Variants in MUC5B observed in about 807,000 individuals in gnomAD.
MUC5B encodes mucin-5B.
Under a neutral mutation model 376.9 loss-of-function variants are expected in MUC5B, and 116 were observed. The observed-to-expected ratio is 0.31, with a 90% CI of 0.26 to 0.36. The LOEUF (loss-of-function observed/expected upper bound fraction) is 0.36. Among genes scored for constraint, MUC5B ranks in the 10% least tolerant of loss-of-function variants. The probability of loss-of-function intolerance (pLI) is 1.00; values close to 1 mark genes in which losing one functional copy is unlikely to be tolerated. For synonymous variants in MUC5B, 3,517 were observed against 3,390.9 expected (o/e 1.04, Z -1.29); for missense variants, 7,165 against 7,769.9 (o/e 0.92, Z 2.93).
Position 1,252,477 on chromosome 11 carries a change from T to C in MUC5B, c.14998T>C (p.Ser5000Pro). Residue 5000 changes from serine to proline, a missense_variant, in exon 32 of 49, where the codon TCG (serine) becomes CCG (proline). Physicochemically the swap from Ser to Pro is moderately conservative, Grantham distance 74. Coordinates refer to ENST00000529681, the MANE Select transcript of MUC5B (RefSeq NM_002458.3). ...GCCAGTGTCCTCCGCCCCGCTGTCC[T>C]CGCCCTCCCCTGCCCCTGGCTGTGA... is the stretch of plus-strand genomic sequence containing the variant. ...PPPVSSAPLS[S>P]PSPAPGCDNA... is the part of the protein sequence containing the mutation. The C allele has an allele frequency of 6.3e-7, 1 of 1,591,456 alleles. No individual in the cohort carries two copies. Among genetic ancestry groups the C allele is most frequent in the South Asian group, 1.1e-5 (1 of 87,458 alleles).
At chr11:1,240,005 T>C (rs768404072) in intron 28 of MUC5B, 40 bp from the exon 29 acceptor site, 22 of 1,599,988 alleles carry the variant, frequency 1.4e-5, no homozygotes, top group Admixed American at 5.1e-5. Flanking sequence ...CCCTGCAGGC[T>C]GCCCCCCAGG....
chr11:1,250,168 A>G lies in MUC5B; in HGVS notation c.13288A>G (p.Thr4430Ala). ...ILTELTTTAT[T>A]TASTGSTATP... ...CACAGAGCTGACCACAACAGCCACTACGACTGCGTCCACTGGATCCACGGC... is the reference window on the plus strand; with the variant it reads ...CACAGAGCTGACCACAACAGCCACTGCGACTGCGTCCACTGGATCCACGGC... Residue 4430 changes from threonine (T) to alanine (A), a missense_variant, in exon 31 of 49, where the codon ACG (threonine) becomes GCG (alanine). By Grantham distance (58) the Thr-to-Ala change is moderately conservative (BLOSUM62 0). Around this residue, in one of 31 missense-constraint regions of MUC5B, gnomAD observed 431 missense variants for 390.4 expected, o/e 1.10. Coordinates refer to ENST00000529681, the MANE Select transcript of MUC5B (RefSeq NM_002458.3). 1 of 1,587,842 alleles carries G rather than the reference A, an allele frequency of 6.3e-7. No homozygotes were observed. Among genetic ancestry groups the G allele is most frequent in the Non-Finnish European group, 8.6e-7 (1 of 1,159,828 alleles).
Position 1,239,896 on chromosome 11 carries a change from C to T in MUC5B, c.3681C>T (p.Tyr1227=). The T allele has an allele frequency of 6.2e-7, 1 of 1,613,404 alleles. No individual in the cohort carries two copies. The highest frequency in any genetic ancestry group is 1.1e-5 in the South Asian group (1 of 90,980). Residue 1227 remains tyrosine (Y), a synonymous_variant, in exon 28 of 49, where the codon TAC becomes TAT. Coordinates refer to ENST00000529681, the MANE Select transcript of MUC5B (RefSeq NM_002458.3). ...QCGCYDKDGN[Y]YDVGARVPTA... is the part of the protein sequence containing the mutation. ...GCTGCTACGACAAGGACGGAAACTA[C>T]TATGACGTCGGTGCAAGGGTCCCCA...
In MUC5B at chr11:1,251,440, A is replaced by G. The variant is rs372504985; in HGVS notation, c.14560A>G (p.Ile4854Val). Residue 4854 changes from isoleucine to valine, a missense_variant, in exon 31 of 49, where the codon ATA becomes GTA. Around this residue, in one of 31 missense-constraint regions of MUC5B, gnomAD observed 730 missense variants for 592.7 expected, o/e 1.23. Coordinates refer to ENST00000529681, the MANE Select transcript of MUC5B (RefSeq NM_002458.3). ...CTGGATCCTCACAGAGCCGAGCACT[A>G]TAGCCACCGTGATGGTGCCCACCGG... ...TTWILTEPST[I>V]ATVMVPTGST... 1.2e-6 allele frequency: 2 copies of G among 1,612,548 alleles called. No individual in the cohort carries two copies. Among genetic ancestry groups the G allele is most frequent in the East Asian group, 4.5e-5 (2 of 44,858 alleles).
intron 2 of MUC5B, 108 bp from the exon 3 acceptor site, chr11:1,226,097 G>C: frequency 8.9e-7 from 1 of 1,118,206 alleles, no homozygotes; most frequent in Non-Finnish European, 1.3e-6. Flanking sequence ...CATCAGTTTT[G>C]GGCTCCCCTT....
chr11:1,241,238 C>A lies in MUC5B; in HGVS notation c.4358C>A (p.Ala1453Asp). Residue 1453 changes from alanine (A) to aspartate (D), a missense_variant, in exon 31 of 49, where the codon GCT (alanine) becomes GAT (aspartate). Around this residue, in one of 31 missense-constraint regions of MUC5B, gnomAD observed 517 missense variants for 545.3 expected, o/e 0.95. Transcript: ENST00000529681. ...QPSLSASTEP[A>D]VPTPTQTTAT... The stretch of plus-strand genomic sequence containing the variant: ...TCCCTCAGTGCCAGCACGGAGCCTG[C>A]TGTGCCTACCCCAACCCAGACCACA... 1 of 1,592,004 alleles carries A rather than the reference C, an allele frequency of 6.3e-7. No individual in the cohort carries two copies. The highest frequency in any genetic ancestry group is 8.6e-7 in the Non-Finnish European group (1 of 1,169,482).
chr11:1,231,091 C>T, intron 13 of MUC5B, 86 bp downstream of exon 13: 1 of 1,340,886 alleles, frequency 7.5e-7, no homozygotes, highest in Non-Finnish European at 1.0e-6. Flanking sequence ...CCGCTCCATC[C>T]CTGCTAGTTC....
At chr11:1,229,081 A>G in intron 8 of MUC5B, 89 bp from the exon 9 acceptor site, 1 of 1,392,706 alleles carries the variant, frequency 7.2e-7, no homozygotes, top group Non-Finnish European at 9.5e-7. Flanking sequence ...ACTTGATGGC[A>G]TGTGGAAGGC....
At position 1,231,502 on chromosome 11, in the gene MUC5B, G is replaced by A. The variant is rs1862028331; in HGVS notation, c.1620G>A (p.Leu540=). The A allele has an allele frequency of 6.2e-7, 1 of 1,607,112 alleles. No individual in the cohort carries two copies. The highest frequency in any genetic ancestry group is 8.5e-7 in the Non-Finnish European group (1 of 1,177,618). Residue 540 remains leucine, a synonymous_variant, in exon 14 of 49, where the codon CTG becomes CTA. Transcript: ENST00000529681. ...TGGGGCTGCAGCTGCTGGTGCAGCT[G>A]GTGCCACTCATGCAGGTGTTTGTCA... ...TGLGLQLLVQ[L]VPLMQVFVRL...
chr11:1,242,904 C>G lies in MUC5B; in HGVS notation c.6024C>G (p.Ala2008=). The G allele has an allele frequency of 6.2e-7, 1 of 1,613,790 alleles. No homozygotes were observed. Among genetic ancestry groups the G allele is most frequent in the Non-Finnish European group, 8.5e-7 (1 of 1,179,768 alleles). Residue 2008 remains alanine (A), a synonymous_variant, in exon 31 of 49, where the codon GCC becomes GCG. Transcript: ENST00000529681. ...TTTPTATMST[A]TPSSTPETAH... is the part of the protein sequence containing the mutation. Reference sequence around the variant, plus strand: ...CACCCACGGCCACCATGTCCACAGCCACACCCTCCTCCACTCCAGAGACTG... The same window carrying G: ...CACCCACGGCCACCATGTCCACAGCGACACCCTCCTCCACTCCAGAGACTG...
In MUC5B at chr11:1,249,704, C is replaced by A; in HGVS notation, c.12824C>A (p.Thr4275Lys). ...GCCACCCCGTCCTCCACCCCGGGAA[C>A]AGCTCCCCCTCCCAAAGTGCTGACC... The part of the protein sequence containing the change: ...STATPSSTPG[T>K]APPPKVLTSP... Residue 4275 changes from threonine to lysine, a missense_variant, in exon 31 of 49, where the codon ACA (threonine) becomes AAA (lysine). Thr to Lys is a moderately conservative substitution (Grantham distance 78). Around this residue, in one of 31 missense-constraint regions of MUC5B, gnomAD observed 431 missense variants for 390.4 expected, o/e 1.10. Coordinates refer to ENST00000529681, the MANE Select transcript of MUC5B (RefSeq NM_002458.3). The A allele has an allele frequency of 1.2e-6, 2 of 1,610,228 alleles. No homozygotes were observed. Among genetic ancestry groups the A allele is most frequent in the South Asian group, 1.1e-5 (1 of 90,986 alleles).
At position 1,235,345 on chromosome 11, in the gene MUC5B, G is replaced by C; in HGVS notation, c.2812G>C (p.Val938Leu). 2 of 1,612,754 alleles carry C rather than the reference G, an allele frequency of 1.2e-6. No individual in the cohort carries two copies. Among genetic ancestry groups the C allele is most frequent in the Non-Finnish European group, 1.7e-6 (2 of 1,179,762 alleles). Residue 938 changes from valine to leucine, a missense_variant, in exon 23 of 49, where the codon GTC (valine) becomes CTC (leucine). By Grantham distance (32) the Val-to-Leu change is conservative. Coordinates refer to ENST00000529681, the MANE Select transcript of MUC5B (RefSeq NM_002458.3). The stretch of plus-strand genomic sequence containing the variant: ...CACCACCCACGGGACCTTCCGCATC[G>C]TCACCGAGAACATCCCCTGTGGGAC... ...DNTTHGTFRI[V>L]TENIPCGTTG...
At position 1,245,460 on chromosome 11, in the gene MUC5B, G is replaced by A. The variant is rs373954800; in HGVS notation, c.8580G>A (p.Ser2860=). 25 of 1,362,658 alleles carry A rather than the reference G, an allele frequency of 1.8e-5. 1 individual carries two copies. The highest frequency in any genetic ancestry group is 2.4e-5 in the Non-Finnish European group (24 of 995,698). The allele number at this position is 1,362,658 out of a possible 1,614,324, so 84.4% of individuals were successfully genotyped here. A position where few individuals can be genotyped will look rare whatever the true frequency, so the allele number is the denominator to read the frequency against. The change falls in exon 31 of 49, where the codon TCG becomes TCA. Residue 2860 remains serine, a synonymous_variant. Coordinates refer to ENST00000529681, the MANE Select transcript of MUC5B (RefSeq NM_002458.3). ...TSTLLPSSPT[S]APITTVVTMG... ...CCCTGCTGCCCAGCAGCCCCACATC[G>A]GCCCCAATAACCACGGTGGTGACCA...
chr11:1,249,100 A>C lies in MUC5B; in HGVS notation c.12220A>C (p.Arg4074=). The C allele has an allele frequency of 1.2e-6, 2 of 1,609,994 alleles. No individual in the cohort carries two copies. The highest frequency in any genetic ancestry group is 1.7e-6 in the Non-Finnish European group (2 of 1,179,222). ...PALSSPHPSS[R]TTESPPSPGT... ...CCTGTCCAGCCCTCACCCTAGCAGCAGGACCACCGAGTCACCCCCTTCCCC... is the reference window on the plus strand; with the variant it reads ...CCTGTCCAGCCCTCACCCTAGCAGCCGGACCACCGAGTCACCCCCTTCCCC... The change falls in exon 31 of 49, where the codon AGG becomes CGG. Residue 4074 remains arginine, a synonymous_variant. Transcript: ENST00000529681.
In MUC5B at chr11:1,252,867, G is replaced by A. The variant is rs141222463; in HGVS notation, c.15104G>A (p.Arg5035His). The part of the protein sequence containing the change: ...CTVARCVGDN[R>H]VVLLDPKPVA... ...GTGGCCAGGTGCGTGGGTGACAACC[G>A]TGTCGTCCTGCTGGACCCAAAGCCT... Residue 5035 changes from arginine to histidine, a missense_variant, in exon 33 of 49, where the codon CGT becomes CAT. Around this residue, in one of 31 missense-constraint regions of MUC5B, gnomAD observed 842 missense variants for 1,016.9 expected, o/e 0.83. Transcript: ENST00000529681. 694 of 1,612,530 alleles carry A rather than the reference G, an allele frequency of 4.3e-4. 3 individuals carry two copies. In the African/African-American group the frequency reaches 8.1e-3, roughly 19 times the overall value.
In MUC5B at chr11:1,253,195, C is replaced by A. The variant is rs1862750930; in HGVS notation, c.15217+215C>A. ...AGATCGCTGGCATCCCTTCAGGAAA[C>A]CATCATGCACCATGCTGTCTTGGGC... On this transcript the variant is annotated intron_variant, in intron 33 of 48. Coordinates refer to ENST00000529681, the MANE Select transcript of MUC5B (RefSeq NM_002458.3). The surrounding 1 kb of genome is among the most constrained non-coding windows in gnomAD (Gnocchi z 4.3). Among the ~76,000 whole-genome samples, 1 of 152,038 alleles carries A rather than the reference C, an allele frequency of 6.6e-6. No homozygotes were observed. Among genetic ancestry groups the A allele is most frequent in the Non-Finnish European group, 1.5e-5 (1 of 68,020 alleles).
In MUC5B at chr11:1,250,826, C is replaced by G; in HGVS notation, c.13946C>G (p.Ala4649Gly). 2 of 1,613,100 alleles carry G rather than the reference C, an allele frequency of 1.2e-6. No individual in the cohort carries two copies. The highest frequency in any genetic ancestry group is 2.7e-5 in the African/African-American group (2 of 74,920). The part of the protein sequence containing the change: ...PSSIPGTTHT[A>G]RVLTTTTTTV... ...TCCATCCCGGGGACCACCCACACCG[C>G]CAGAGTGCTGACCACCACCACCACA... Residue 4649 changes from alanine (A) to glycine (G), a missense_variant, in exon 31 of 49, where the codon GCC (alanine) becomes GGC (glycine). Physicochemically the swap from Ala to Gly is moderately conservative, Grantham distance 60. This residue lies in a region of MUC5B where 730 missense variants were observed against 592.7 expected (regional missense o/e 1.23). Transcript: ENST00000529681.
Position 1,251,025 on chromosome 11 carries a change from A to T in MUC5B, c.14145A>T (p.Thr4715=). ...ITPVLTSTAT[T]PAATSSKATS... ...CAGTGCTGACCAGCACGGCCACCAC[A>T]CCCGCAGCCACCAGCTCCAAAGCCA... The change falls in exon 31 of 49, where the codon ACA becomes ACT. Residue 4715 remains threonine, a synonymous_variant. Transcript: ENST00000529681. 1 of 1,609,940 alleles carries T rather than the reference A, an allele frequency of 6.2e-7. No individual in the cohort carries two copies. Among genetic ancestry groups the T allele is most frequent in the African/African-American group, 1.3e-5 (1 of 74,450 alleles).
Position 1,235,421 on chromosome 11 carries a change from C to T in MUC5B, c.2880+8C>T, listed in dbSNP as rs546321043. ...ATCAAGCTCTTCGTGGAGGTGAGAA[C>T]GGCCCCAGCTGTGAGCACCCCCGAC... On this transcript the variant is annotated splice_region_variant and intron_variant, in intron 23 of 48. Coordinates refer to ENST00000529681, the MANE Select transcript of MUC5B (RefSeq NM_002458.3). The T allele has an allele frequency of 1.6e-5, 25 of 1,608,362 alleles. No homozygotes were observed. The highest frequency in any genetic ancestry group is 6.7e-5 in the African/African-American group (5 of 74,768).
Sources: gnomAD v4.1 joint callset for allele counts (sites outside exome capture counted in the v4.1 genomes callset) on GRCh38, gnomAD v4.1.1 for gene constraint, gnomAD v4.1.1 regional missense constraint, Gnocchi (gnomAD v3.1) non-coding constraint, MANE v1.5 for transcripts, NCBI Gene and HGNC (gene_info 2026-07-23, HGNC 2026-07-21) for gene names.